RGS5: variants seen among roughly 807,000 people sequenced by gnomAD.
RGS5 encodes regulator of G protein signaling 5.
RGS5 carries 20 observed loss-of-function variants against 18.9 expected under a neutral mutation model. The observed-to-expected ratio is 1.06, with a 90% CI of 0.74 to 1.54. The LOEUF (loss-of-function observed/expected upper bound fraction) is 1.54, where lower values mean the gene tolerates loss of function less well. Ranked by LOEUF, RGS5 falls within the 40% of genes most tolerant of loss-of-function variation. The pLI, the probability that RGS5 is intolerant of heterozygous loss-of-function variation, is 0.00. For synonymous variants in RGS5, 57 were observed against 76.2 expected (o/e 0.75, Z 1.31); for missense variants, 201 against 211.8 (o/e 0.95, Z 0.32).
chr1:163,168,860 CT>C lies in RGS5; in HGVS notation c.45-493del, dbSNP rs570409849. 5.9e-5 allele frequency among the ~76,000 whole-genome samples: 9 copies of C among 151,898 alleles called. 1 individual carries two copies. The highest frequency in any genetic ancestry group is 2.1e-4 in the South Asian group (1 of 4,804). The stretch of plus-strand genomic sequence containing the variant: ...ATATGACATTTGGAAAAAATGATCA[CT>C]TTTTTTTATTATTATTATACTTTAA... On this transcript the variant is annotated intron_variant, in intron 1 of 4. Transcript: ENST00000313961.
At chr1:163,283,918 C>A (rs1175388509) in intron 2 of RGS5, among the ~76,000 whole-genome samples, 2 of 152,166 alleles carry the variant, frequency 1.3e-5, no homozygotes, top group Non-Finnish European at 2.9e-5. Flanking sequence ...AGCAGCCTGG[C>A]CAACATCTTG....
chr1:163,183,192 A>T (rs570154851), intron 1 of RGS5, among the ~76,000 whole-genome samples: 1 of 152,298 alleles, frequency 6.6e-6, no homozygotes. Flanking sequence ...GAATAAGAGG[A>T]CTGTTTCTGA....
chr1:163,300,040 T>C (rs1204649459), intron 2 of RGS5, among the ~76,000 whole-genome samples: 1 of 152,228 alleles, frequency 6.6e-6, no homozygotes, highest in African/African-American at 2.4e-5. Context: ...GCCTCATCTA[T>C]CATTTACATT....
At chr1:163,248,944 G>T (rs1216098408) in intron 2 of RGS5, among the ~76,000 whole-genome samples, 2 of 152,186 alleles carry the variant, frequency 1.3e-5, no homozygotes, top group East Asian at 3.9e-4. Flanking sequence ...CCAAGTGGGA[G>T]AACAACTGCC....
At chr1:163,293,977 C>T (rs61812187) in intron 2 of RGS5, among the ~76,000 whole-genome samples, 14,712 of 152,240 alleles carry the variant, frequency 0.097, 977 homozygotes, top group South Asian at 0.2. Context: ...CCTCCCAAGG[C>T]CTTGGGCAGC....
At chr1:163,205,026 G>A (rs1659909488), upstream of RGS5, among the ~76,000 whole-genome samples, 1 of 152,066 alleles carries the variant, frequency 6.6e-6, no homozygotes, top group East Asian at 1.9e-4. Context: ...AACCCAAAAT[G>A]TAAAATTCAA....
upstream of RGS5, among the ~76,000 whole-genome samples, chr1:163,220,974 C>G (rs754416283): frequency 2.0e-5 from 3 of 152,192 alleles, no homozygotes; most frequent in African/African-American, 7.2e-5. Context: ...TTGTGACATT[C>G]ACTTTAGACT....
intron 1 of RGS5, among the ~76,000 whole-genome samples, chr1:163,202,287 T>C (rs1659801382): frequency 6.6e-6 from 1 of 152,198 alleles, no homozygotes; most frequent in Admixed American, 6.5e-5. Context: ...GTGCCAGACA[T>C]GGTTCTGAGT....
intron 2 of RGS5, among the ~76,000 whole-genome samples, chr1:163,245,543 G>C (rs969069277): frequency 1.3e-5 from 2 of 152,094 alleles, no homozygotes; most frequent in Non-Finnish European, 2.9e-5. Flanking sequence ...CAGGAACCAA[G>C]GTTTTTGTAT....
At chr1:163,224,563 T>A (rs527251965) in intron 2 of RGS5, among the ~76,000 whole-genome samples, 1 of 152,330 alleles carries the variant, frequency 6.6e-6, no homozygotes, top group East Asian at 1.9e-4. Context: ...TTTGGATATA[T>A]ACCCAATAGT....
chr1:163,162,268 T>C (rs1217400705), intron 2 of RGS5, among the ~76,000 whole-genome samples: 1 of 152,210 alleles, frequency 6.6e-6, no homozygotes, highest in African/African-American at 2.4e-5. Flanking sequence ...GATAGTCTTA[T>C]GTATCCCATG....
chr1:163,159,573 G>A (rs1235865238), intron 3 of RGS5, among the ~76,000 whole-genome samples: 2 of 152,146 alleles, frequency 1.3e-5, no homozygotes, highest in African/African-American at 4.8e-5. Context: ...GTTTCTGTGA[G>A]GTCTCCATAC....
chr1:163,314,197 G>A (rs1289538027), intron 1 of RGS5, among the ~76,000 whole-genome samples: 4 of 152,012 alleles, frequency 2.6e-5, no homozygotes, highest in Non-Finnish European at 5.9e-5. Context: ...TTATCTTAAT[G>A]GATTGTCCTA....
chr1:163,289,813 G>A (rs1169364546), intron 2 of RGS5, among the ~76,000 whole-genome samples: 3 of 152,004 alleles, frequency 2.0e-5, no homozygotes, highest in Non-Finnish European at 4.4e-5. Flanking sequence ...GAGAGCCCTC[G>A]GTAAGGCTTC....
At chr1:163,311,555 A>G (rs1649862788) in intron 1 of RGS5, among the ~76,000 whole-genome samples, 1 of 152,284 alleles carries the variant, frequency 6.6e-6, no homozygotes, top group South Asian at 2.1e-4. Context: ...AGGACATTAT[A>G]TGGTTATTAA....
intron 2 of RGS5, chr1:163,248,138 T>A (rs1647995763): frequency 6.6e-6 from 1 of 152,328 alleles, no homozygotes; most frequent in South Asian, 2.1e-4. Context: ...AGAGCAAAGA[T>A]AAAACCACTT....
chr1:163,247,817 A>G (rs1478366102), intron 2 of RGS5, among the ~76,000 whole-genome samples: 1 of 152,104 alleles, frequency 6.6e-6, no homozygotes, highest in East Asian at 1.9e-4. Context: ...GAAAGGACTC[A>G]TATTTATTCA....
chr1:163,193,435 G>A (rs1295199745), intron 1 of RGS5, among the ~76,000 whole-genome samples: 2 of 151,804 alleles, frequency 1.3e-5, no homozygotes. Context: ...CCTAGGCATG[G>A]CAACTGAATG....
At chr1:163,306,860 G>A (rs562920796) in intron 1 of RGS5, among the ~76,000 whole-genome samples, 2 of 152,192 alleles carry the variant, frequency 1.3e-5, no homozygotes, top group Admixed American at 1.3e-4. Context: ...GCATGAAACC[G>A]ATTCATCCTC....
Sources: gnomAD v4.1 joint callset for allele counts (sites outside exome capture counted in the v4.1 genomes callset) on GRCh38, gnomAD v4.1.1 for gene constraint, MANE v1.5 for transcripts, NCBI Gene and HGNC (gene_info 2026-07-23, HGNC 2026-07-21) for gene names.